Variants in DPP6 observed in about 807,000 individuals in gnomAD.
DPP6 encodes dipeptidyl peptidase like 6, also known as A-type potassium channel modulatory protein DPP6.
Under a neutral mutation model 122.6 loss-of-function variants are expected in DPP6, and 69 were observed. The ratio of observed to expected loss-of-function variants is 0.56; its 90% CI spans 0.46 to 0.69. The LOEUF (loss-of-function observed/expected upper bound fraction) is 0.69. Ranked by LOEUF, DPP6 falls within the 30% of genes least tolerant of loss-of-function variation. The pLI, the probability that DPP6 is intolerant of heterozygous loss-of-function variation, is 0.00. For synonymous variants in DPP6, 418 were observed against 433.1 expected (o/e 0.97, Z 0.43); for missense variants, 928 against 1,116.9 (o/e 0.83, Z 2.41).
chr7:154,424,185 A>G (rs1398498008), intron 1 of DPP6, among the ~76,000 whole-genome samples: 1 of 152,240 alleles, frequency 6.6e-6, no homozygotes, highest in Non-Finnish European at 1.5e-5. Flanking sequence ...ACATACGCAG[A>G]TATTTGTTGC....
chr7:154,825,619 G>A (rs1185473927), intron 16 of DPP6, among the ~76,000 whole-genome samples: 1 of 152,198 alleles, frequency 6.6e-6, no homozygotes, highest in African/African-American at 2.4e-5. Context: ...TGCTGCCTCA[G>A]TGTTGAGGAA....
chr7:153,835,351 C>G, the DPP6 span, among the ~76,000 whole-genome samples: 114 of 151,908 alleles, frequency 7.5e-4, 2 homozygotes, highest in East Asian at 0.02. Flanking sequence ...AGTTTGCCCT[C>G]TACTGGAATT....
At chr7:154,832,865 T>C (rs1260647018) in intron 16 of DPP6, among the ~76,000 whole-genome samples, 1 of 152,194 alleles carries the variant, frequency 6.6e-6, no homozygotes, top group Non-Finnish European at 1.5e-5. Flanking sequence ...GCCTCCAACA[T>C]GTAAACCACA....
chr7:154,285,619 A>G (rs1180435188), intron 1 of DPP6, among the ~76,000 whole-genome samples: 1 of 152,206 alleles, frequency 6.6e-6, no homozygotes, highest in African/African-American at 2.4e-5. Flanking sequence ...AGCCATAGTA[A>G]CTTCCTGTGA....
intron 16 of DPP6, among the ~76,000 whole-genome samples, chr7:154,829,270 C>A (rs1231501576): frequency 3.3e-5 from 5 of 151,850 alleles, no homozygotes; most frequent in Non-Finnish European, 7.4e-5. Flanking sequence ...ATAGTCCCAG[C>A]TGCTTGAGAG....
At chr7:154,363,018 G>A (rs1050695784) in intron 1 of DPP6, among the ~76,000 whole-genome samples, 1 of 152,146 alleles carries the variant, frequency 6.6e-6, no homozygotes, top group Non-Finnish European at 1.5e-5. Flanking sequence ...CCACCTGGAG[G>A]AGCTTTCAGA....
intron 1 of DPP6, among the ~76,000 whole-genome samples, chr7:154,428,140 C>T (rs1412412583): frequency 6.6e-6 from 1 of 152,168 alleles, no homozygotes; most frequent in Non-Finnish European, 1.5e-5. Context: ...TGTGACATAA[C>T]TTCTGTTGAG....
chr7:154,345,452 A>T (rs1443733392), intron 1 of DPP6, among the ~76,000 whole-genome samples: 1 of 152,208 alleles, frequency 6.6e-6, no homozygotes, highest in Non-Finnish European at 1.5e-5. Context: ...AGTGCATGTC[A>T]TTGCAATTCT....
chr7:154,698,332 G>A (rs975786669), intron 7 of DPP6, among the ~76,000 whole-genome samples: 3 of 152,166 alleles, frequency 2.0e-5, no homozygotes, highest in Admixed American at 2.0e-4. Flanking sequence ...ATGCTGTGAA[G>A]CACCTTTGGG....
At chr7:154,033,951 C>T (rs1389386394) in intron 1 of DPP6, among the ~76,000 whole-genome samples, 11 of 152,190 alleles carry the variant, frequency 7.2e-5, no homozygotes, top group African/African-American at 1.7e-4. Context: ...CATTGACAGG[C>T]ATCACACAGC....
chr7:154,436,172 T>C (rs1346325677), intron 1 of DPP6, among the ~76,000 whole-genome samples: 1 of 151,350 alleles, frequency 6.6e-6, no homozygotes, highest in Non-Finnish European at 1.5e-5. Flanking sequence ...GCAAGACCAG[T>C]GGCACGGTCC....
intron 1 of DPP6, among the ~76,000 whole-genome samples, chr7:154,332,993 A>G (rs1809086910): frequency 6.6e-6 from 1 of 152,188 alleles, no homozygotes. Flanking sequence ...TCCGGGGAAC[A>G]GCTGCTGTGT....
upstream of DPP6, among the ~76,000 whole-genome samples, chr7:154,051,892 C>G (rs1277805456): frequency 6.6e-6 from 1 of 151,536 alleles, no homozygotes; most frequent in East Asian, 2.0e-4. Flanking sequence ...CACCCCGCGC[C>G]CTCCTGGTGG....
intron 1 of DPP6, among the ~76,000 whole-genome samples, chr7:154,236,530 C>A (rs1318566139): frequency 6.6e-6 from 1 of 152,130 alleles, no homozygotes; most frequent in African/African-American, 2.4e-5. Flanking sequence ...GAAAGATTCT[C>A]TTCATTCTTT....
intron 1 of DPP6, among the ~76,000 whole-genome samples, chr7:154,181,176 C>A (rs1328251741): frequency 6.6e-6 from 1 of 152,178 alleles, no homozygotes; most frequent in Non-Finnish European, 1.5e-5. Context: ...AATGCCCAAA[C>A]ACAAGAGCAT....
At chr7:153,880,449 T>A in the DPP6 span, among the ~76,000 whole-genome samples, 1 of 152,222 alleles carries the variant, frequency 6.6e-6, no homozygotes, top group Admixed American at 6.5e-5. Flanking sequence ...GCCCAACAAT[T>A]GTTTTGTACT....
chr7:153,783,561 A>G, the DPP6 span, among the ~76,000 whole-genome samples: 9 of 152,326 alleles, frequency 5.9e-5, no homozygotes, highest in South Asian at 1.9e-3. Flanking sequence ...TCTGACTGAT[A>G]AGCTTTTTCT....
chr7:153,929,645 A>G (rs896216171), intron 1 of DPP6, among the ~76,000 whole-genome samples: 1 of 152,106 alleles, frequency 6.6e-6, no homozygotes, highest in Non-Finnish European at 1.5e-5. Flanking sequence ...GGCTTTGAAG[A>G]AAGACCCAGG....
At chr7:153,879,880 A>T in the DPP6 span, among the ~76,000 whole-genome samples, 3 of 152,182 alleles carry the variant, frequency 2.0e-5, no homozygotes, top group South Asian at 2.1e-4. Flanking sequence ...TTGGAGGAAG[A>T]GTTTTATACA....
Sources: allele counts gnomAD v4.1 joint callset (sites outside exome capture counted in the v4.1 genomes callset), GRCh38; gene constraint gnomAD v4.1.1; transcripts MANE v1.5; gene names NCBI Gene and HGNC (gene_info 2026-07-23, HGNC 2026-07-21).